Variants in PARD3B observed in about 807,000 individuals in gnomAD.
PARD3B encodes the protein partitioning defective 3 homolog B.
A neutral mutation model predicts 130.2 loss-of-function variants in PARD3B; 103 were observed. The observed-to-expected ratio is 0.79, with a 90% confidence interval of 0.67 to 0.93. The LOEUF (loss-of-function observed/expected upper bound fraction) is 0.93, where lower values mean the gene tolerates loss of function less well. PARD3B is among the 40% of genes least tolerant of loss of function. The pLI, the probability that PARD3B is intolerant of heterozygous loss-of-function variation, is 0.00. For synonymous variants in PARD3B, 583 were observed against 553.2 expected (o/e 1.05, Z -0.76); for missense variants, 1,609 against 1,499.2 (o/e 1.07, Z -1.21).
intron 16 of PARD3B, among the ~76,000 whole-genome samples, chr2:205,250,758 G>A (rs547936388): frequency 3.5e-4 from 53 of 151,798 alleles, no homozygotes; most frequent in African/African-American, 1.0e-3. Flanking sequence ...GTGAAACCCC[G>A]TCTCTACTAA....
chr2:205,132,289 A>G (rs2032073813), intron 10 of PARD3B, among the ~76,000 whole-genome samples: 1 of 152,142 alleles, frequency 6.6e-6, no homozygotes, highest in Non-Finnish European at 1.5e-5. Context: ...AATAATTCCA[A>G]AGTTTTTAAT....
chr2:205,332,886 T>TA (rs1036749216), intron 18 of PARD3B, among the ~76,000 whole-genome samples: 1 of 152,222 alleles, frequency 6.6e-6, no homozygotes, highest in Non-Finnish European at 1.5e-5. Flanking sequence ...ATCCACATTT[T>TA]ATATATGAGG....
chr2:205,159,661 A>G (rs2034394909), intron 11 of PARD3B, among the ~76,000 whole-genome samples: 1 of 152,208 alleles, frequency 6.6e-6, no homozygotes, highest in Non-Finnish European at 1.5e-5. Flanking sequence ...TGTGATGAAA[A>G]CAATAAAGTG....
chr2:205,542,604 A>C (rs1054514133), intron 21 of PARD3B, among the ~76,000 whole-genome samples: 5 of 152,134 alleles, frequency 3.3e-5, no homozygotes, highest in Non-Finnish European at 7.3e-5. Flanking sequence ...ATGGTAGGAC[A>C]GGTCTGATAA....
chr2:205,243,339 A>G (rs1489932816), intron 15 of PARD3B, among the ~76,000 whole-genome samples: 1 of 152,212 alleles, frequency 6.6e-6, no homozygotes. Flanking sequence ...AGTACCTTGC[A>G]TATATTTGCA....
At chr2:204,763,544 A>G (rs985437682) in intron 2 of PARD3B, among the ~76,000 whole-genome samples, 3 of 152,220 alleles carry the variant, frequency 2.0e-5, no homozygotes, top group Admixed American at 6.5e-5. Flanking sequence ...TGAATATTAA[A>G]AAAAGGAAAA....
intron 2 of PARD3B, among the ~76,000 whole-genome samples, chr2:204,853,931 A>G (rs2044814457): frequency 6.6e-6 from 1 of 152,188 alleles, no homozygotes; most frequent in African/African-American, 2.4e-5. Flanking sequence ...AGTTTTATAT[A>G]AATAGAGTTA....
intron 1 of PARD3B, among the ~76,000 whole-genome samples, chr2:204,626,161 G>A (rs527369520): frequency 1.4e-3 from 209 of 152,190 alleles, no homozygotes; most frequent in African/African-American, 4.5e-3. Flanking sequence ...GACAATTTGG[G>A]TGAGTTTGGA....
At chr2:204,715,125 G>A (rs975298765) in intron 2 of PARD3B, among the ~76,000 whole-genome samples, 1 of 152,146 alleles carries the variant, frequency 6.6e-6, no homozygotes, top group African/African-American at 2.4e-5. Flanking sequence ...GCTTTTGAAA[G>A]GGGAGTGTTC....
chr2:205,464,144 C>T (rs1225976086), intron 20 of PARD3B, among the ~76,000 whole-genome samples: 1 of 151,980 alleles, frequency 6.6e-6, no homozygotes, highest in South Asian at 2.1e-4. Flanking sequence ...AACATGGATT[C>T]TGTACATCTG....
rs117847959 is a variant in PARD3B, at chr2:205,614,254, G to A, written c.3261-1202G>A. On this transcript the variant is annotated intron_variant, in intron 22 of 22. Transcript: ENST00000406610. ...TTCTTTAGTGAGAGATCCAGACAGG[G>A]CCACTTTCTGTTAGTGTCTATTCTT... 6.0e-4 allele frequency among the ~76,000 whole-genome samples: 92 copies of A among 152,294 alleles called. 2 individuals carry two copies. In the East Asian group the frequency reaches 0.015, roughly 24 times the overall value.
intron 1 of PARD3B, among the ~76,000 whole-genome samples, chr2:204,613,187 C>G (rs758904260): frequency 7.9e-5 from 12 of 152,096 alleles, no homozygotes; most frequent in African/African-American, 1.2e-4. Context: ...ACATTTATGT[C>G]TGAAAATGTC....
chr2:205,511,192 G>A (rs908675258), intron 21 of PARD3B, among the ~76,000 whole-genome samples: 5 of 152,166 alleles, frequency 3.3e-5, no homozygotes, highest in Non-Finnish European at 7.3e-5. Context: ...AAATCAAAGT[G>A]TGGTGTTGTT....
In PARD3B at chr2:205,187,887, C is replaced by A. The variant is rs1457131791; in HGVS notation, c.2024+2024C>A. 6.6e-6 allele frequency among the ~76,000 whole-genome samples: 1 copy of A among 152,142 alleles called. No homozygotes were observed. The highest frequency in any genetic ancestry group is 1.5e-5 in the Non-Finnish European group (1 of 68,036). ...AATCTCCTTTCAGTCAAAAGTATGA[C>A]GTTGTCTTAGACTTCATTCTTCTTT... is the stretch of plus-strand genomic sequence containing the variant. On this transcript the variant is annotated intron_variant, in intron 14 of 22. Coordinates refer to ENST00000406610, the MANE Select transcript of PARD3B (RefSeq NM_001302769.2). The surrounding 1 kb of genome is among the most constrained non-coding windows in gnomAD (Gnocchi z 4.9).
At chr2:204,573,365 A>G (rs2032096376) in intron 1 of PARD3B, among the ~76,000 whole-genome samples, 1 of 152,218 alleles carries the variant, frequency 6.6e-6, no homozygotes, top group South Asian at 2.1e-4. Flanking sequence ...GAACACCAGT[A>G]TGTATGCGTG....
chr2:205,582,160 A>G (rs1246795418), intron 22 of PARD3B, among the ~76,000 whole-genome samples: 1 of 152,172 alleles, frequency 6.6e-6, no homozygotes, highest in African/African-American at 2.4e-5. Context: ...AAATCTACTT[A>G]GCTCATGTAA....
chr2:204,690,181 T>C (rs1034066949), intron 2 of PARD3B, among the ~76,000 whole-genome samples: 2 of 152,182 alleles, frequency 1.3e-5, no homozygotes, highest in African/African-American at 4.8e-5. Flanking sequence ...TTAATTTCAG[T>C]TGGACGCTTT....
intron 2 of PARD3B, among the ~76,000 whole-genome samples, chr2:204,786,221 A>AG (rs2042006309): frequency 6.6e-6 from 1 of 152,180 alleles, no homozygotes. Flanking sequence ...AGGTGACAAT[A>AG]GAAACTGGTA....
At chr2:204,625,330 G>A (rs1275655156) in intron 1 of PARD3B, among the ~76,000 whole-genome samples, 1 of 151,890 alleles carries the variant, frequency 6.6e-6, no homozygotes, top group Admixed American at 6.6e-5. Flanking sequence ...TGAAGCTTGG[G>A]CATCGGTTCT....
Sources: gnomAD v4.1 joint callset for allele counts (sites outside exome capture counted in the v4.1 genomes callset) on GRCh38, gnomAD v4.1.1 for gene constraint, Gnocchi (gnomAD v3.1) non-coding constraint, MANE v1.5 for transcripts, NCBI Gene and HGNC (gene_info 2026-07-23, HGNC 2026-07-21) for gene names.